Variants in RARB observed in about 807,000 individuals in gnomAD.
RARB encodes the protein HBV-activated protein.
In RARB, 17 loss-of-function variants were observed where a neutral mutation model predicts 51.9. The ratio of observed to expected loss-of-function variants is 0.33; its 90% CI spans 0.22 to 0.49. The LOEUF (loss-of-function observed/expected upper bound fraction) is 0.49, where lower values mean the gene tolerates loss of function less well. Ranked by LOEUF, RARB falls within the 20% of genes least tolerant of loss-of-function variation. The probability of loss-of-function intolerance (pLI) is 0.99; values close to 1 mark genes in which losing one functional copy is unlikely to be tolerated. For missense variants in RARB, 369 were observed against 550.8 expected (o/e 0.67, Z 3.30); for synonymous variants, 215 against 195.4 (o/e 1.10, Z -0.84).
At chr3:25,440,442 G>A (rs902217140) in intron 1 of RARB, among the ~76,000 whole-genome samples, 4 of 149,008 alleles carry the variant, frequency 2.7e-5, no homozygotes, top group African/African-American at 9.9e-5. Flanking sequence ...GGGAGATCCT[G>A]TCTAAAAAAT....
At chr3:25,582,862 C>T (rs991069428) in intron 5 of RARB, among the ~76,000 whole-genome samples, 2 of 152,218 alleles carry the variant, frequency 1.3e-5, no homozygotes, top group East Asian at 3.9e-4. Context: ...AATAGAAATG[C>T]AAATCAACAA....
intron 2 of RARB, among the ~76,000 whole-genome samples, chr3:24,965,590 T>C (rs140973759): frequency 2.8e-3 from 433 of 152,290 alleles, no homozygotes; most frequent in African/African-American, 9.7e-3. Flanking sequence ...GGTTGCTAGA[T>C]GACCTTCACC....
chr3:25,349,537 G>T (rs1395126292), intron 5 of RARB, among the ~76,000 whole-genome samples: 1 of 152,046 alleles, frequency 6.6e-6, no homozygotes, highest in Non-Finnish European at 1.5e-5. Flanking sequence ...CCTAATCCAG[G>T]CATCTCTACT....
chr3:24,836,981 A>C (rs973551943), intron 1 of RARB, among the ~76,000 whole-genome samples: 1 of 152,228 alleles, frequency 6.6e-6, no homozygotes, highest in African/African-American at 2.4e-5. Context: ...AGGCAAATTC[A>C]CCAGCCCCTT....
At chr3:25,423,124 A>G (rs1215195277) in intron 5 of RARB, among the ~76,000 whole-genome samples, 2 of 152,234 alleles carry the variant, frequency 1.3e-5, no homozygotes, top group East Asian at 1.9e-4. Flanking sequence ...TTTTAGAACA[A>G]AAAGGTAACA....
At chr3:24,979,370 C>G (rs1237520109) in intron 2 of RARB, among the ~76,000 whole-genome samples, 1 of 152,136 alleles carries the variant, frequency 6.6e-6, no homozygotes, top group African/African-American at 2.4e-5. Flanking sequence ...GTGTGGGAGT[C>G]TAAGTCTCTT....
chr3:25,278,093 C>G (rs912851376), intron 5 of RARB, among the ~76,000 whole-genome samples: 2 of 152,092 alleles, frequency 1.3e-5, no homozygotes, highest in African/African-American at 4.8e-5. Context: ...TTTTGTCATA[C>G]TGAGAATGAG....
chr3:24,838,927 G>GT (rs71295101), intron 1 of RARB, among the ~76,000 whole-genome samples: 64,876 of 146,094 alleles, frequency 0.44, 14,341 homozygotes, highest in African/African-American at 0.49. Context: ...AAATCTCCAG[G>GT]TTTTTTTTTT....
At chr3:25,297,136 T>C (rs1268518127) in intron 5 of RARB, among the ~76,000 whole-genome samples, 2 of 152,200 alleles carry the variant, frequency 1.3e-5, no homozygotes, top group East Asian at 1.9e-4. Context: ...AACTCTGTGA[T>C]GGTATGCAAA....
At chr3:25,424,091 T>TC (rs1707926472), upstream of RARB, among the ~76,000 whole-genome samples, 1 of 152,046 alleles carries the variant, frequency 6.6e-6, no homozygotes, top group Non-Finnish European at 1.5e-5. Flanking sequence ...TGGAGGAAAG[T>TC]CTGAAAAAGC....
At chr3:25,456,399 T>C (rs550491021) in intron 1 of RARB, among the ~76,000 whole-genome samples, 24 of 152,114 alleles carry the variant, frequency 1.6e-4, no homozygotes, top group Non-Finnish European at 3.2e-4. Context: ...TGCCAAAGTA[T>C]GTTTTTGCTA....
chr3:25,208,831 A>G (rs1319786541), intron 5 of RARB, among the ~76,000 whole-genome samples: 1 of 152,130 alleles, frequency 6.6e-6, no homozygotes, highest in African/African-American at 2.4e-5. Context: ...ACCTGGACTC[A>G]GGGCCCATCA....
rs141394548 is a variant in RARB at position 25,160,038 on chromosome 3, A to G, written c.-279-14081A>G. 3.1e-3 allele frequency among the ~76,000 whole-genome samples: 470 copies of G among 152,264 alleles called. 1 individual carries two copies. The highest frequency in any genetic ancestry group is 0.011 in the African/African-American group (457 of 41,560). ...AACGTTTAAAAAACAAAACACTGAGATTTGATATTTTTGTTTCAGCTTCTC... is the reference window on the plus strand; with the variant it reads ...AACGTTTAAAAAACAAAACACTGAGGTTTGATATTTTTGTTTCAGCTTCTC... On this transcript the variant is annotated intron_variant, in intron 4 of 11. Transcript: ENST00000383772.
intron 3 of RARB, among the ~76,000 whole-genome samples, chr3:25,557,886 T>C (rs1345302543): frequency 1.3e-5 from 2 of 152,212 alleles, no homozygotes; most frequent in South Asian, 4.1e-4. Context: ...AAAGCTGCCC[T>C]GTTGCTTCTC....
At chr3:25,218,358 A>G (rs568759855) in intron 5 of RARB, among the ~76,000 whole-genome samples, 5 of 151,170 alleles carry the variant, frequency 3.3e-5, no homozygotes, top group African/African-American at 1.2e-4. Flanking sequence ...TTTTGTTACT[A>G]CCCACCCCCC....
At chr3:25,064,769 A>G (rs535557687) in intron 3 of RARB, among the ~76,000 whole-genome samples, 1 of 152,212 alleles carries the variant, frequency 6.6e-6, no homozygotes. Flanking sequence ...TCAGAGCCCC[A>G]CAATTTGAAT....
At chr3:25,527,966 G>T (rs1391097024) in intron 3 of RARB, among the ~76,000 whole-genome samples, 2 of 152,234 alleles carry the variant, frequency 1.3e-5, no homozygotes, top group African/African-American at 4.8e-5. Context: ...ACAAGGCCCT[G>T]CACAAAGCCA....
chr3:25,173,403 T>C (rs1410818761), intron 4 of RARB, among the ~76,000 whole-genome samples: 1 of 152,184 alleles, frequency 6.6e-6, no homozygotes, highest in Non-Finnish European at 1.5e-5. Flanking sequence ...AATAGGTGAC[T>C]GGATAGGCAG....
At chr3:25,320,207 T>C (rs1704531286) in intron 5 of RARB, among the ~76,000 whole-genome samples, 1 of 152,184 alleles carries the variant, frequency 6.6e-6, no homozygotes. Flanking sequence ...TATGCAGTCA[T>C]TGAACATTGC....
Sources: gnomAD v4.1 joint callset for allele counts (sites outside exome capture counted in the v4.1 genomes callset) on GRCh38, gnomAD v4.1.1 for gene constraint, MANE v1.5 for transcripts, NCBI Gene and HGNC (gene_info 2026-07-23, HGNC 2026-07-21) for gene names.